MAN2A2: variants seen among roughly 807,000 people sequenced by gnomAD.
MAN2A2 encodes alpha-mannosidase 2x.
A neutral mutation model predicts 126.8 loss-of-function variants in MAN2A2; 79 were observed. The observed-to-expected ratio is 0.62, with a 90% CI of 0.52 to 0.75. The LOEUF (loss-of-function observed/expected upper bound fraction) is 0.75. Ranked by LOEUF, MAN2A2 falls within the 30% of genes least tolerant of loss-of-function variation. The pLI, the probability that MAN2A2 is intolerant of heterozygous loss-of-function variation, is 0.00. For missense variants in MAN2A2, 1,392 were observed against 1,522.4 expected (o/e 0.91, Z 1.43); for synonymous variants, 671 against 618.7 (o/e 1.08, Z -1.25).
In MAN2A2 at chr15:90,906,750, C is replaced by G. The variant is rs1444196059; in HGVS notation, c.846C>G (p.Pro282=). ...CCATGCCCTGCCCAGGTGCAACCCC[C>G]CGCTCTGGCTGGGCAGTGGACCCCT... ...QWLERNLGAT[P]RSGWAVDPFG... Residue 282 remains proline, a synonymous_variant, in exon 7 of 23, where the codon CCC becomes CCG. Transcript: ENST00000559717. The G allele has an allele frequency of 1.2e-6, 2 of 1,612,116 alleles. No homozygotes were observed. Among genetic ancestry groups the G allele is most frequent in the Non-Finnish European group, 1.7e-6 (2 of 1,179,936 alleles).
intron 20 of MAN2A2, chr15:90,916,732 G>GTGGCGGGCTCTGTCA: frequency 1.8e-6 from 2 of 1,131,466 alleles, no homozygotes; most frequent in Non-Finnish European, 2.4e-6. Flanking sequence ...AGGTGACAGA[G>GTGGCGGGCTCTGTCA]CCCGCCACTC....
intron 6 of MAN2A2, 110 bp downstream of exon 6, chr15:90,906,607 C>T (rs1198794722): frequency 3.2e-6 from 5 of 1,573,534 alleles, no homozygotes; most frequent in Non-Finnish European, 4.3e-6. Context: ...GCAGATCCCA[C>T]CATGTGGGCC....
intron 19 of MAN2A2, 34 bp from the exon 20 acceptor site, chr15:90,916,089 G>A: frequency 3.7e-6 from 6 of 1,607,968 alleles, no homozygotes; most frequent in Non-Finnish European, 5.1e-6. Context: ...CTTGGGGGTG[G>A]GGGCGGGCCA....
At position 90,922,372 on chromosome 15, in the gene MAN2A2, A is replaced by G. The variant is rs1205453679; in HGVS notation, c.*2585A>G. 6.6e-6 allele frequency: 1 copy of G among 152,194 alleles called. No homozygotes were observed. The highest frequency in any genetic ancestry group is 2.4e-5 in the African/African-American group (1 of 41,444). The allele number at this position is 152,194 out of a possible 1,614,324, so 9.4% of individuals were successfully genotyped here. A position where few individuals can be genotyped will look rare whatever the true frequency, so the allele number is the denominator to read the frequency against. ...AACCCCATTTATATCATAGCAGAAG[A>G]AATAGGATTATCAATGTGAACTGCT... On this transcript the variant is annotated 3_prime_UTR_variant, in exon 23 of 23. Coordinates refer to ENST00000559717, the MANE Select transcript of MAN2A2 (RefSeq NM_006122.4).
rs770203807 is a variant in MAN2A2, at chr15:90,912,074, G to T, written c.2141G>T (p.Gly714Val). 2.5e-6 allele frequency: 4 copies of T among 1,612,788 alleles called. No individual in the cohort carries two copies. The highest frequency in any genetic ancestry group is 2.5e-6 in the Non-Finnish European group (3 of 1,179,878). Residue 714 changes from glycine to valine, a missense_variant, in exon 15 of 23, where the codon GGC becomes GTC. Gly to Val is a moderately radical substitution (Grantham distance 109). Transcript: ENST00000559717. ...VSVPVRLPAL[G>V]LGVLQLQLGL... The stretch of plus-strand genomic sequence containing the variant: ...GTGCCTGTCCGCCTGCCAGCCCTGG[G>T]CCTGGGCGTGCTGCAGCTACAGCTG...
chr15:90,915,905 G>A, intron 19 of MAN2A2: 1 of 518,862 alleles, frequency 1.9e-6, no homozygotes, highest in Non-Finnish European at 3.4e-6. Flanking sequence ...CCCCTTTCTG[G>A]ACCTCATGCT....
chr15:90,916,851 G>A (rs1042585737), intron 20 of MAN2A2, among the ~76,000 whole-genome samples: 1 of 152,198 alleles, frequency 6.6e-6, no homozygotes, highest in African/African-American at 2.4e-5. Context: ...CGTGAGTAGG[G>A]GTGGCAGAGA....
chr15:90,906,284 C>A, intron 5 of MAN2A2, 86 bp from the exon 6 acceptor site: 1 of 1,556,294 alleles, frequency 6.4e-7, no homozygotes, highest in Middle Eastern at 1.7e-4. Flanking sequence ...CCAGTGAGGC[C>A]AGTGCACACA....
Position 90,916,182 on chromosome 15 carries a change from C to T in MAN2A2, c.2920C>T (p.Gln974Ter). The change falls in exon 20 of 23, where the codon CAA (glutamine) becomes TAA (stop). Residue 974 changes from glutamine to a stop codon, truncating the protein, a stop_gained. Transcript: ENST00000559717. LOFTEE classifies it high-confidence loss of function. ...GCAGGATGACAACCGGGGCCTAGGC[C>T]AAGGGCTCAAGGACAACAAGAGAAC... ...LMQDDNRGLGQGLKDNKRTCN... is the reference protein window; with the variant it reads ...LMQDDNRGLG The T allele has an allele frequency of 6.2e-7, 1 of 1,614,128 alleles. No homozygotes were observed. The highest frequency in any genetic ancestry group is 8.5e-7 in the Non-Finnish European group (1 of 1,180,038).
Position 90,910,002 on chromosome 15 carries a change from C to T in MAN2A2, c.1375-88C>T, listed in dbSNP as rs180692581. On this transcript the variant is annotated intron_variant, in intron 9 of 22. Transcript: ENST00000559717. ...CAGTTCCTGCTTCTGAGGCCAGAGC[C>T]CCTGCCTCACCCCCAACTGCAGCAC... 694 of 1,174,026 alleles carry T rather than the reference C, an allele frequency of 5.9e-4. 4 individuals carry two copies. The East Asian group carries it at 0.015, about 26-fold the overall frequency. 72.7% of individuals were successfully genotyped at this position (1,174,026 alleles called of 1,614,324 possible). A position where few individuals can be genotyped will look rare whatever the true frequency, so the allele number is the denominator to read the frequency against.
At chr15:90,913,042 C>A (rs1395420245) in intron 17 of MAN2A2, 51 bp downstream of exon 17, 2 of 1,459,284 alleles carry the variant, frequency 1.4e-6, no homozygotes, top group Admixed American at 1.8e-5. Flanking sequence ...GGCTCCACAA[C>A]TGTGGCGTAT....
intron 20 of MAN2A2, chr15:90,916,589 G>T: frequency 2.2e-6 from 3 of 1,343,792 alleles, no homozygotes; most frequent in Non-Finnish European, 2.9e-6. Context: ...CCACCAGCCT[G>T]ACTTTTTCTC....
rs781615116 is a variant in MAN2A2, at chr15:90,913,694, C to T, written c.2799C>T (p.Asp933=). 27 of 1,607,614 alleles carry T rather than the reference C, an allele frequency of 1.7e-5. No individual in the cohort carries two copies. Among genetic ancestry groups the T allele is most frequent in the East Asian group, 6.7e-5 (3 of 44,776 alleles). Residue 933 remains aspartate (D), a synonymous_variant, in exon 19 of 23, where the codon GAC becomes GAT. Coordinates refer to ENST00000559717, the MANE Select transcript of MAN2A2 (RefSeq NM_006122.4). ...TGCCAGTCATGGCCTATATCCAGGA[C>T]GCACAGAAGCGCCTCACGCTGCACA... The part of the protein sequence containing the change: ...YPMPVMAYIQ[D]AQKRLTLHTA...
chr15:90,903,255 A>T (rs2033982922), upstream of MAN2A2: 1 of 152,354 alleles, frequency 6.6e-6, no homozygotes, highest in South Asian at 2.1e-4. Context: ...GCCTAGACCC[A>T]GTCTCTAAGG....
At chr15:90,906,329 G>C (rs377332978) in intron 5 of MAN2A2, 41 bp from the exon 6 acceptor site, 1 of 1,612,542 alleles carries the variant, frequency 6.2e-7, no homozygotes, top group African/African-American at 1.3e-5. Flanking sequence ...GGACTGGGCA[G>C]AGTGTCCTGC....
rs1476253092 is a variant in MAN2A2, at chr15:90,904,176, G to A, written c.-18-14G>A. On this transcript the variant is annotated splice_polypyrimidine_tract_variant and intron_variant, in intron 1 of 22. Coordinates refer to ENST00000559717, the MANE Select transcript of MAN2A2 (RefSeq NM_006122.4). ...TTTGCATGTTGGAGCTACAGATGGT[G>A]TCCTTCCTGCCAGGTGTGTGTGGAG... 1.2e-6 allele frequency: 2 copies of A among 1,613,984 alleles called. No homozygotes were observed. The highest frequency in any genetic ancestry group is 3.3e-5 in the Admixed American group (2 of 60,012).
Position 90,912,051 on chromosome 15 carries a change from G to A in MAN2A2, c.2118G>A (p.Val706=), listed in dbSNP as rs768558257. The change falls in exon 15 of 23, where the codon GTG becomes GTA. Residue 706 remains valine, a synonymous_variant. Transcript: ENST00000559717. ...EAVPDVYQVS[V]PVRLPALGLG... ...CCCTCCTGTGCCCACAGGTGTCTGT[G>A]CCTGTCCGCCTGCCAGCCCTGGGCC... 6 of 1,611,626 alleles carry A rather than the reference G, an allele frequency of 3.7e-6. No homozygotes were observed. In the African/African-American group the frequency reaches 8.0e-5, roughly 22 times the overall value.
At chr15:90,912,749 G>C in intron 16 of MAN2A2, 85 bp downstream of exon 16, 1 of 1,593,306 alleles carries the variant, frequency 6.3e-7, no homozygotes, top group South Asian at 1.1e-5. Context: ...TGCCTGCCAG[G>C]GGCCTTGTCT....
At position 90,906,788 on chromosome 15, in the gene MAN2A2, C is replaced by G. The variant is rs765045176; in HGVS notation, c.884C>G (p.Ser295Cys). 1 of 1,613,832 alleles carries G rather than the reference C, an allele frequency of 6.2e-7. No individual in the cohort carries two copies. The highest frequency in any genetic ancestry group is 1.7e-5 in the Admixed American group (1 of 60,020). Reference sequence around the variant, plus strand: ...GCAGTGGACCCCTTTGGATACAGCTCCACCATGCCTTACCTGCTGCGCCGT... The same window carrying G: ...GCAGTGGACCCCTTTGGATACAGCTGCACCATGCCTTACCTGCTGCGCCGT... ...GWAVDPFGYS[S>C]TMPYLLRRAN... Residue 295 changes from serine to cysteine, a missense_variant, in exon 7 of 23, where the codon TCC becomes TGC. Transcript: ENST00000559717.
Sources: gnomAD v4.1 joint callset for allele counts (sites outside exome capture counted in the v4.1 genomes callset) on GRCh38, gnomAD v4.1.1 for gene constraint, MANE v1.5 for transcripts, NCBI Gene and HGNC (gene_info 2026-07-23, HGNC 2026-07-21) for gene names.